Variants in LARGE1 observed in about 807,000 individuals in gnomAD.
The protein encoded by LARGE1 is LARGE xylosyl- and glucuronyltransferase 1.
A neutral mutation model predicts 87.6 loss-of-function variants in LARGE1; 43 were observed. The observed-to-expected ratio is 0.49, with a 90% CI of 0.38 to 0.63. The LOEUF (loss-of-function observed/expected upper bound fraction) is 0.63, where lower values mean the gene tolerates loss of function less well. LARGE1 is among the 30% of genes least tolerant of loss of function. The probability of loss-of-function intolerance (pLI) is 0.00; values close to 1 mark genes in which losing one functional copy is unlikely to be tolerated. For missense variants in LARGE1, 802 were observed against 1,000.2 expected (o/e 0.80, Z 2.67); for synonymous variants, 434 against 394.6 (o/e 1.10, Z -1.18).
chr22:33,686,795 T>C (rs2081957642), intron 2 of LARGE1, among the ~76,000 whole-genome samples: 1 of 151,846 alleles, frequency 6.6e-6, no homozygotes, highest in Non-Finnish European at 1.5e-5. Flanking sequence ...CAGTGTAGGG[T>C]TGCCAGATTT....
At chr22:33,142,623 G>A in the LARGE1 span, among the ~76,000 whole-genome samples, 1 of 152,048 alleles carries the variant, frequency 6.6e-6, no homozygotes, top group African/African-American at 2.4e-5. Context: ...ACCACAGGCT[G>A]TCCTTCCTGA....
chr22:33,724,259 G>A (rs1013666182), intron 2 of LARGE1: 3 of 152,448 alleles, frequency 2.0e-5, no homozygotes, highest in Admixed American at 2.0e-4. Context: ...GTCAGCAAAG[G>A]AATGCATTTT....
At chr22:33,857,325 A>C (rs1027070096) in intron 1 of LARGE1, among the ~76,000 whole-genome samples, 5 of 152,226 alleles carry the variant, frequency 3.3e-5, no homozygotes, top group Non-Finnish European at 7.3e-5. Context: ...CAGGAGAAAA[A>C]AATCCATTGG....
intron 11 of LARGE1, among the ~76,000 whole-genome samples, chr22:33,216,247 G>C (rs1234398449): frequency 2.0e-5 from 3 of 152,168 alleles, no homozygotes; most frequent in Non-Finnish European, 4.4e-5. Flanking sequence ...GTCTGAATGT[G>C]CCCTCCCCCA....
At chr22:33,767,424 T>C (rs1197283545) in intron 1 of LARGE1, among the ~76,000 whole-genome samples, 1 of 149,168 alleles carries the variant, frequency 6.7e-6, no homozygotes, top group Non-Finnish European at 1.5e-5. Context: ...TATGCATATA[T>C]ATGCATGTAT....
chr22:33,857,528 C>T (rs939804053), intron 1 of LARGE1, among the ~76,000 whole-genome samples: 15 of 152,196 alleles, frequency 9.9e-5, no homozygotes, highest in African/African-American at 3.1e-4. Context: ...AGTTGTTTAT[C>T]GGTAAATGTT....
chr22:33,339,665 A>G (rs1347363404), intron 9 of LARGE1, among the ~76,000 whole-genome samples: 1 of 151,832 alleles, frequency 6.6e-6, no homozygotes, highest in African/African-American at 2.4e-5. Context: ...AGAAAAAAAA[A>G]TCTGGGAAAA....
chr22:33,831,005 G>C (rs1346111457), intron 1 of LARGE1, among the ~76,000 whole-genome samples: 1 of 152,174 alleles, frequency 6.6e-6, no homozygotes, highest in African/African-American at 2.4e-5. Flanking sequence ...ATTTTGCAGG[G>C]GCACAAACAT....
At chr22:33,383,987 C>CGAATGAACAAAT (rs2065242961) in intron 8 of LARGE1, among the ~76,000 whole-genome samples, 1 of 152,140 alleles carries the variant, frequency 6.6e-6, no homozygotes, top group Non-Finnish European at 1.5e-5. Flanking sequence ...GAAAGTCTGC[C>CGAATGAACAAAT]GAATGAACAA....
chr22:33,157,458 C>G (rs1921908074), downstream of LARGE1, among the ~76,000 whole-genome samples: 1 of 152,208 alleles, frequency 6.6e-6, no homozygotes, highest in African/African-American at 2.4e-5. Context: ...TGGCCCCTCC[C>G]CACTTCCCAT....
At chr22:33,782,100 G>T (rs1449882623) in intron 1 of LARGE1, among the ~76,000 whole-genome samples, 1 of 152,164 alleles carries the variant, frequency 6.6e-6, no homozygotes, top group African/African-American at 2.4e-5. Flanking sequence ...GTTAGCCAGA[G>T]GGCAAAGGAT....
intron 1 of LARGE1, among the ~76,000 whole-genome samples, chr22:33,825,481 C>T (rs1415078115): frequency 2.0e-5 from 3 of 151,850 alleles, no homozygotes; most frequent in Admixed American, 6.6e-5. Context: ...AGGAAACTTA[C>T]GATCATGATG....
At chr22:33,632,153 C>G (rs546650019) in intron 3 of LARGE1, among the ~76,000 whole-genome samples, 4 of 152,132 alleles carry the variant, frequency 2.6e-5, no homozygotes, top group Non-Finnish European at 5.9e-5. Flanking sequence ...GACCGAGTCT[C>G]GATCTATCGC....
At chr22:33,292,902 CT>C in intron 12 of LARGE1, among the ~76,000 whole-genome samples, 1 of 152,220 alleles carries the variant, frequency 6.6e-6, no homozygotes, top group Middle Eastern at 3.4e-3. Context: ...ATAATAAATG[CT>C]TTATGGACTT....
chr22:33,772,149 C>A (rs2085089504), intron 1 of LARGE1, among the ~76,000 whole-genome samples: 1 of 152,148 alleles, frequency 6.6e-6, no homozygotes, highest in South Asian at 2.1e-4. Flanking sequence ...CTGGCTAACA[C>A]AGTGAAACCC....
the LARGE1 span, among the ~76,000 whole-genome samples, chr22:33,138,692 C>T: frequency 1.3e-5 from 2 of 152,154 alleles, no homozygotes; most frequent in East Asian, 1.9e-4. Flanking sequence ...GATCTGCCCA[C>T]CTCGGCCTCC....
the LARGE1 span, chr22:33,110,736 T>C: frequency 6.6e-6 from 1 of 152,198 alleles, no homozygotes; most frequent in Non-Finnish European, 1.5e-5. Context: ...CTTCCTACCA[T>C]GCACGGCTGC....
chr22:33,481,404 TA>T (rs1199006254), intron 6 of LARGE1, among the ~76,000 whole-genome samples: 2 of 152,180 alleles, frequency 1.3e-5, no homozygotes, highest in Non-Finnish European at 2.9e-5. Flanking sequence ...TGTGGGCCAT[TA>T]TTTTTTTAAA....
intron 12 of LARGE1, among the ~76,000 whole-genome samples, chr22:33,287,680 C>T (rs1217488709): frequency 6.6e-6 from 1 of 152,152 alleles, no homozygotes; most frequent in African/African-American, 2.4e-5. Flanking sequence ...GCCATTAGTT[C>T]TCTGGAAAGT....
Sources: gnomAD v4.1 joint callset for allele counts (sites outside exome capture counted in the v4.1 genomes callset) on GRCh38, gnomAD v4.1.1 for gene constraint, MANE v1.5 for transcripts, NCBI Gene and HGNC (gene_info 2026-07-23, HGNC 2026-07-21) for gene names.